The following TSPEAR variants were observed in gnomAD, a reference collection of about 807,000 sequenced individuals.
The protein encoded by TSPEAR is thrombospondin-type laminin G domain and EAR repeat-containing protein.
In TSPEAR, 69 loss-of-function variants were observed where a neutral mutation model predicts 71.6. The ratio of observed to expected loss-of-function variants is 0.96; its 90% CI spans 0.79 to 1.18. The LOEUF (loss-of-function observed/expected upper bound fraction) is 1.18, where lower values mean the gene tolerates loss of function less well. Ranked by LOEUF, TSPEAR falls within the 50% of genes most tolerant of loss-of-function variation. TSPEAR has a pLI of 0.00. For missense variants in TSPEAR, 971 were observed against 894.9 expected, an observed-to-expected ratio of 1.09 and a Z score of -1.09; for synonymous variants, 402 against 387.2, an observed-to-expected ratio of 1.04 and a Z score of -0.45.
At chr21:44,634,328 TTAAC>T (rs1983420401) in intron 1 of TSPEAR, among the ~76,000 whole-genome samples, 1 of 152,148 alleles carries the variant, frequency 6.6e-6, no homozygotes, top group Non-Finnish European at 1.5e-5. Flanking sequence ...CACCAACAAA[TTAAC>T]TAAAAATGGA....
chr21:44,517,950 C>CT (rs587706352), intron 9 of TSPEAR: 38 of 427,944 alleles, frequency 8.9e-5, no homozygotes, highest in East Asian at 2.2e-4. Flanking sequence ...TCACCCTCTT[C>CT]TTTTTTTTCT....
In TSPEAR at chr21:44,593,407, A is replaced by G. The variant is rs1980133284; in HGVS notation, c.83-25402T>C. Among the ~76,000 whole-genome samples the G allele has an allele frequency of 6.6e-6, 1 of 152,210 alleles. No homozygotes were observed. The highest frequency in any genetic ancestry group is 2.1e-4 in the South Asian group (1 of 4,828). On this transcript the variant is annotated intron_variant, in intron 1 of 11. Transcript: ENST00000323084. The surrounding 1 kb of genome is among the most constrained non-coding windows in gnomAD (Gnocchi z 5.9). ...TTAAAATTAAGGGACATCTGTCCAA[A>G]GAACCCGCACAGAAGACACAAAATG... is the stretch of plus-strand genomic sequence containing the variant.
chr21:44,529,705 G>T (rs2052927628), intron 5 of TSPEAR, 93 bp downstream of exon 5: 10 of 1,430,786 alleles, frequency 7.0e-6, no homozygotes, highest in Non-Finnish European at 9.7e-6. Context: ...CACACGAGAG[G>T]GGCTGAGAGC....
intron 9 of TSPEAR, chr21:44,516,302 T>G (rs1164592473): frequency 6.6e-6 from 1 of 152,362 alleles, no homozygotes; most frequent in Non-Finnish European, 1.5e-5. Context: ...GCCTTGTTTA[T>G]CTGGGAGCGC....
Position 44,615,152 on chromosome 21 carries a change from C to T in TSPEAR, c.83-47147G>A, listed in dbSNP as rs117154036. ...GCCATGGGCAGTGCTGAAAAATCTC[C>T]GGCGCATGTACGTAAGCGGCACTGT... On this transcript the variant is annotated intron_variant, in intron 1 of 11. Transcript: ENST00000323084. Among the ~76,000 whole-genome samples, 139 of 152,360 alleles carry T rather than the reference C, an allele frequency of 9.1e-4. 4 individuals carry two copies. The East Asian group carries it at 0.025, about 27-fold the overall frequency.
chr21:44,509,312 G>A lies in TSPEAR; in HGVS notation c.1641C>T (p.Ser547=). 1.2e-6 allele frequency: 2 copies of A among 1,614,038 alleles called. No homozygotes were observed. The highest frequency in any genetic ancestry group is 1.7e-6 in the Non-Finnish European group (2 of 1,179,998). ...TCTGGACTTGCATCTCCACATCGTA[G>A]CTGTGACTGTTTGCCACAGCGAGGA... ...RIFLAVANSH[S]YDVEMQVQND... Residue 547 remains serine (S), a synonymous_variant, in exon 10 of 12, where the codon AGC becomes AGT. Transcript: ENST00000323084.
chr21:44,577,347 T>C (rs374425420), intron 1 of TSPEAR, among the ~76,000 whole-genome samples: 1 of 152,258 alleles, frequency 6.6e-6, no homozygotes. Flanking sequence ...GGGCAATTTA[T>C]GAGGAAAGGC....
chr21:44,633,398 C>T (rs8129802), intron 1 of TSPEAR, among the ~76,000 whole-genome samples: 95,763 of 151,916 alleles, frequency 0.63, 30,530 homozygotes, highest in Admixed American at 0.69. Context: ...ACTGTTTTGC[C>T]GTATCCCATA....
intron 9 of TSPEAR, among the ~76,000 whole-genome samples, chr21:44,511,669 C>T (rs185276638): frequency 1.8e-4 from 28 of 152,380 alleles, no homozygotes; most frequent in African/African-American, 5.5e-4. Flanking sequence ...TGAGGACACA[C>T]GCCTCCAGCC....
intron 2 of TSPEAR, among the ~76,000 whole-genome samples, chr21:44,534,872 C>G (rs769093329): frequency 6.6e-6 from 1 of 152,198 alleles, no homozygotes; most frequent in Non-Finnish European, 1.5e-5. Context: ...AGAAGCAACA[C>G]AAGTGTCCAC....
At chr21:44,512,678 A>C in intron 9 of TSPEAR, among the ~76,000 whole-genome samples, 1 of 152,032 alleles carries the variant, frequency 6.6e-6, no homozygotes. Context: ...CAGGGCAGGG[A>C]TTGTGCCCAC....
chr21:44,556,999 A>T (rs1184228184), intron 2 of TSPEAR, among the ~76,000 whole-genome samples: 2 of 152,210 alleles, frequency 1.3e-5, no homozygotes, highest in Non-Finnish European at 2.9e-5. Context: ...AACTGGTGAG[A>T]TAGCATGTAC....
chr21:44,580,363 C>T lies in TSPEAR; in HGVS notation c.83-12358G>A, dbSNP rs782099085. The T allele has an allele frequency of 3.0e-5, 49 of 1,613,578 alleles. No homozygotes were observed. The South Asian group carries it at 3.4e-4, about 11-fold the overall frequency. On this transcript the variant is annotated intron_variant, in intron 1 of 11. Coordinates refer to ENST00000323084, the MANE Select transcript of TSPEAR (RefSeq NM_144991.3). ...AGGCGCAGCAAGCCGGCTGGCAGCA[C>T]GAGGGCGTGCAGGAGCTGGTGCAGC...
rs1416236877 is a variant in TSPEAR at position 44,521,320 on chromosome 21, G to A, written c.1566+563C>T. Among the ~76,000 whole-genome samples, 6 of 152,204 alleles carry A rather than the reference G, an allele frequency of 3.9e-5. No individual in the cohort carries two copies. The South Asian group carries it at 6.2e-4, about 16-fold the overall frequency. Reference sequence around the variant, plus strand: ...ACTTGCTGGGAGCAGGCAGCACGCTGTCCCTGCCCCTGGAGGTGGCCTAAT... The same window carrying A: ...ACTTGCTGGGAGCAGGCAGCACGCTATCCCTGCCCCTGGAGGTGGCCTAAT... On this transcript the variant is annotated intron_variant, in intron 9 of 11. Coordinates refer to ENST00000323084, the MANE Select transcript of TSPEAR (RefSeq NM_144991.3).
intron 1 of TSPEAR, among the ~76,000 whole-genome samples, chr21:44,587,451 T>C (rs988818045): frequency 7.2e-5 from 11 of 152,086 alleles, no homozygotes; most frequent in Non-Finnish European, 1.3e-4. Flanking sequence ...GTTGTGAAAA[T>C]GACCATAGTG....
intron 6 of TSPEAR, 87 bp downstream of exon 6, chr21:44,528,365 G>A (rs903314689): frequency 1.0e-5 from 16 of 1,563,348 alleles, no homozygotes; most frequent in Admixed American, 3.6e-5. Flanking sequence ...AGGTGGCTGA[G>A]GTGCCCCCTC....
chr21:44,711,451 C>G lies in TSPEAR; in HGVS notation c.64G>C (p.Gly22Arg). 1 of 1,609,216 alleles carries G rather than the reference C, an allele frequency of 6.2e-7. No individual in the cohort carries two copies. Among genetic ancestry groups the G allele is most frequent in the Non-Finnish European group, 8.5e-7 (1 of 1,178,308 alleles). The part of the protein sequence containing the change: ...PLAAPGHGTQ[G>R]WEPCTDLRPL... ...GCCTTACCTGTGCAGGGCTCCCAAC[C>G]CTGCGTGCCGTGGCCGGGGGCCGCC... Residue 22 changes from glycine (G) to arginine (R), a missense_variant, in exon 1 of 12, where the codon GGT becomes CGT. Physicochemically the swap from Gly to Arg is moderately radical, Grantham distance 125. Transcript: ENST00000323084. The surrounding 1 kb of genome is among the most constrained non-coding windows in gnomAD (Gnocchi z 4.5).
In TSPEAR at chr21:44,503,031, TCG is replaced by T. The variant is rs1428595094; in HGVS notation, c.1856+1747_1856+1748del. 2.9e-5 allele frequency among the ~76,000 whole-genome samples: 3 copies of T among 104,060 alleles called. No homozygotes were observed. The East Asian group carries it at 8.9e-4, about 31-fold the overall frequency. 68.3% of individuals were successfully genotyped at this position (104,060 alleles called of 152,430 possible). A position where few individuals can be genotyped will look rare whatever the true frequency, so the allele number is the denominator to read the frequency against. On this transcript the variant is annotated intron_variant, in intron 11 of 11. Transcript: ENST00000323084. ...GGAGGAAGCCGGCCTCGGTGAGCCCTCGGGGGGAAGCAAGGCTCTGGGAGGAA... is the reference window on the plus strand; with the variant it reads ...GGAGGAAGCCGGCCTCGGTGAGCCCTGGGGGAAGCAAGGCTCTGGGAGGAA...
At chr21:44,595,372 A>C (rs1980295430) in intron 1 of TSPEAR, among the ~76,000 whole-genome samples, 1 of 152,226 alleles carries the variant, frequency 6.6e-6, no homozygotes, top group African/African-American at 2.4e-5. Flanking sequence ...GCACAGGGTT[A>C]TGGTCTCATG....
Sources: allele counts gnomAD v4.1 joint callset (sites outside exome capture counted in the v4.1 genomes callset), GRCh38; gene constraint gnomAD v4.1.1; non-coding constraint Gnocchi (gnomAD v3.1); transcripts MANE v1.5; gene names NCBI Gene and HGNC (gene_info 2026-07-23, HGNC 2026-07-21).